Variants in PPARGC1A observed in about 807,000 individuals in gnomAD.
PPARGC1A encodes peroxisome proliferator-activated receptor gamma coactivator 1-alpha.
PPARGC1A carries 25 observed loss-of-function variants against 88.7 expected under a neutral mutation model. The ratio of observed to expected loss-of-function variants is 0.28; its 90% CI spans 0.21 to 0.39. PPARGC1A has a LOEUF of 0.39. PPARGC1A is among the 10% of genes least tolerant of loss of function. PPARGC1A has a pLI of 1.00. For synonymous variants in PPARGC1A, 363 were observed against 355.6 expected (o/e 1.02, Z -0.24); for missense variants, 880 against 968.7 (o/e 0.91, Z 1.22).
the PPARGC1A span, among the ~76,000 whole-genome samples, chr4:24,257,710 T>G: frequency 6.6e-6 from 1 of 152,168 alleles, no homozygotes; most frequent in Non-Finnish European, 1.5e-5. Context: ...ACACAATAAT[T>G]AGCAAACTGT....
the PPARGC1A span, among the ~76,000 whole-genome samples, chr4:24,229,220 C>T: frequency 7.5e-6 from 1 of 133,208 alleles, no homozygotes; most frequent in Non-Finnish European, 1.5e-5. Flanking sequence ...GTGGCGCAAT[C>T]TCAGCTCACT....
the PPARGC1A span, among the ~76,000 whole-genome samples, chr4:24,237,489 A>T: frequency 1.3e-5 from 2 of 152,196 alleles, no homozygotes; most frequent in Admixed American, 1.3e-4. Flanking sequence ...GTGTTTAGGG[A>T]AAGTTGATAT....
the PPARGC1A span, among the ~76,000 whole-genome samples, chr4:24,133,391 T>C: frequency 1.3e-5 from 2 of 152,220 alleles, no homozygotes; most frequent in East Asian, 1.9e-4. Flanking sequence ...ACTTACTTTT[T>C]ATTAAAATGA....
At chr4:23,911,591 A>G in the PPARGC1A span, among the ~76,000 whole-genome samples, 1 of 152,194 alleles carries the variant, frequency 6.6e-6, no homozygotes, top group Admixed American at 6.5e-5. Flanking sequence ...ACTGAGATAA[A>G]CAAGCATACA....
the PPARGC1A span, among the ~76,000 whole-genome samples, chr4:24,188,433 G>C: frequency 6.6e-6 from 1 of 152,232 alleles, no homozygotes; most frequent in Admixed American, 6.5e-5. Flanking sequence ...GGCACATTAT[G>C]AATGTATGTA....
chr4:24,027,348 A>T, the PPARGC1A span, among the ~76,000 whole-genome samples: 1 of 152,122 alleles, frequency 6.6e-6, no homozygotes, highest in African/African-American at 2.4e-5. Context: ...AGTTCTTACT[A>T]CCCAAGTCCC....
chr4:23,987,825 A>T, the PPARGC1A span, among the ~76,000 whole-genome samples: 2 of 151,986 alleles, frequency 1.3e-5, no homozygotes, highest in Admixed American at 6.6e-5. Flanking sequence ...GTTCTGGGGT[A>T]CATATGTAGA....
At chr4:23,876,696 A>C (rs1714751444) in intron 2 of PPARGC1A, among the ~76,000 whole-genome samples, 1 of 152,120 alleles carries the variant, frequency 6.6e-6, no homozygotes, top group South Asian at 2.1e-4. Flanking sequence ...GAAAAGAATG[A>C]AAAAGTGCAG....
intron 7 of PPARGC1A, among the ~76,000 whole-genome samples, chr4:23,818,350 C>T (rs891832684): frequency 1.3e-5 from 2 of 152,122 alleles, no homozygotes; most frequent in Non-Finnish European, 2.9e-5. Context: ...CAGTGCAGCT[C>T]GGTGCAGAAT....
chr4:24,408,496 G>T, the PPARGC1A span, among the ~76,000 whole-genome samples: 1 of 152,266 alleles, frequency 6.6e-6, no homozygotes, highest in Non-Finnish European at 1.5e-5. Context: ...CCCCTCCATT[G>T]GATCTGAGGT....
At chr4:24,266,567 A>G in the PPARGC1A span, among the ~76,000 whole-genome samples, 1 of 152,166 alleles carries the variant, frequency 6.6e-6, no homozygotes, top group East Asian at 1.9e-4. Context: ...CAAATAAGTA[A>G]GAATTTCTGT....
the PPARGC1A span, among the ~76,000 whole-genome samples, chr4:24,386,829 T>C: frequency 1.3e-5 from 2 of 152,178 alleles, no homozygotes; most frequent in African/African-American, 2.4e-5. Context: ...AAGTAATTTA[T>C]AGATTTAATG....
intron 5 of PPARGC1A, among the ~76,000 whole-genome samples, chr4:23,826,866 A>T (rs76527277): frequency 0.015 from 2,267 of 151,866 alleles, 48 homozygotes; most frequent in African/African-American, 0.052. Context: ...TACTAAAAGA[A>T]AAAAAAAACA....
the PPARGC1A span, among the ~76,000 whole-genome samples, chr4:23,918,145 G>A: frequency 2.6e-5 from 4 of 152,160 alleles, no homozygotes; most frequent in African/African-American, 9.7e-5. Context: ...TTTACTGCAT[G>A]CCCAATAACT....
At chr4:24,394,075 C>T in the PPARGC1A span, among the ~76,000 whole-genome samples, 1 of 152,174 alleles carries the variant, frequency 6.6e-6, no homozygotes, top group Non-Finnish European at 1.5e-5. Context: ...CCATGGCCCT[C>T]CAGCTAAATA....
chr4:24,080,614 A>T, the PPARGC1A span, among the ~76,000 whole-genome samples: 1 of 152,146 alleles, frequency 6.6e-6, no homozygotes, highest in Non-Finnish European at 1.5e-5. Context: ...TTTCACAACA[A>T]GAATAATCAT....
chr4:24,175,720 CTTTT>C, the PPARGC1A span, among the ~76,000 whole-genome samples: 1 of 151,338 alleles, frequency 6.6e-6, no homozygotes, highest in Non-Finnish European at 1.5e-5. Flanking sequence ...TTTGTTGCTT[CTTTT>C]TTTATTTTTA....
chr4:24,395,516 G>T, the PPARGC1A span, among the ~76,000 whole-genome samples: 1 of 152,308 alleles, frequency 6.6e-6, no homozygotes, highest in East Asian at 1.9e-4. Context: ...GAGATTTTCT[G>T]TTCCAAGGCT....
chr4:24,302,679 C>T, the PPARGC1A span, among the ~76,000 whole-genome samples: 41 of 152,290 alleles, frequency 2.7e-4, no homozygotes, highest in South Asian at 4.1e-4. Flanking sequence ...CAGGGCATTC[C>T]GTAATCAAGT....
Sources: allele counts gnomAD v4.1 joint callset (sites outside exome capture counted in the v4.1 genomes callset), GRCh38; gene constraint gnomAD v4.1.1; transcripts MANE v1.5; gene names NCBI Gene and HGNC (gene_info 2026-07-23, HGNC 2026-07-21).